POLI: variants seen among roughly 807,000 people sequenced by gnomAD.
The protein encoded by POLI is DNA polymerase iota, also known as RAD30 homolog B.
Under a neutral mutation model 51.6 loss-of-function variants are expected in POLI, and 58 were observed. The ratio of observed to expected loss-of-function variants is 1.12; its 90% CI spans 0.91 to 1.40. POLI has a LOEUF of 1.40. Ranked by LOEUF, POLI falls within the 40% of genes most tolerant of loss-of-function variation. The pLI, the probability that POLI is intolerant of heterozygous loss-of-function variation, is 0.00. For missense variants in POLI, 921 were observed against 871.3 expected, an observed-to-expected ratio of 1.06 and a Z score of -0.72; for synonymous variants, 322 against 299.7, an observed-to-expected ratio of 1.07 and a Z score of -0.77.
At chr18:54,300,796 A>G (rs145712598), downstream of POLI, among the ~76,000 whole-genome samples, 2 of 152,346 alleles carry the variant, frequency 1.3e-5, no homozygotes, top group Non-Finnish European at 2.9e-5. Context: ...TAATCAAAAG[A>G]AAGATGTAAT....
chr18:54,297,606 A>C lies in POLI; in HGVS notation c.*3139A>C. 1 of 979,020 alleles carries C rather than the reference A, an allele frequency of 1.0e-6. No homozygotes were observed. Among genetic ancestry groups the C allele is most frequent in the Non-Finnish European group, 1.2e-6 (1 of 825,046 alleles). The allele number at this position is 979,020 out of a possible 1,614,324, so 60.6% of individuals were successfully genotyped here. ...TATGTTGTGCTTCTTTCCCACCTTT[A>C]TCTCTCCTCCTATCTTTTGGGATCA... On this transcript the variant is annotated 3_prime_UTR_variant, in exon 10 of 10. Coordinates refer to ENST00000579534, the MANE Select transcript of POLI (RefSeq NM_007195.3).
intron 3 of POLI, among the ~76,000 whole-genome samples, chr18:54,277,384 C>T (rs892420055): frequency 9.9e-5 from 15 of 152,112 alleles, no homozygotes; most frequent in Non-Finnish European, 2.2e-4. Context: ...TTCAAGGTCA[C>T]CAATTTACTA....
chr18:54,309,914 T>C (rs1599280226), intron 3 of POLI, among the ~76,000 whole-genome samples: 1 of 152,348 alleles, frequency 6.6e-6, no homozygotes, highest in Non-Finnish European at 1.5e-5. Context: ...TATAATCTCC[T>C]GGTGCGCCGT....
At chr18:54,289,966 A>G (rs1050156332) in intron 8 of POLI, among the ~76,000 whole-genome samples, 1 of 152,248 alleles carries the variant, frequency 6.6e-6, no homozygotes, top group Non-Finnish European at 1.5e-5. Context: ...ACAAAAGCCA[A>G]AATTGACAGA....
chr18:54,312,917 TGA>T (rs1424946937), intron 3 of POLI, among the ~76,000 whole-genome samples: 6 of 152,222 alleles, frequency 3.9e-5, no homozygotes, highest in Non-Finnish European at 8.8e-5. Flanking sequence ...TTTACACCTT[TGA>T]TAGTTTCTCT....
At chr18:54,269,945 C>G (rs1028855927) in intron 1 of POLI, 4 of 1,179,444 alleles carry the variant, frequency 3.4e-6, no homozygotes, top group Non-Finnish European at 4.2e-6. Context: ...GGGCGGGAAT[C>G]CCTCAGCCAG....
chr18:54,293,489 TGTG>T (rs1390304623), intron 9 of POLI, among the ~76,000 whole-genome samples, 157 bp from the exon 10 acceptor site: 1 of 152,068 alleles, frequency 6.6e-6, no homozygotes, highest in African/African-American at 2.4e-5. Flanking sequence ...TGTGAATAAT[TGTG>T]GTAGTAGATC....
chr18:54,271,551 A>G, intron 2 of POLI, 66 bp downstream of exon 2: 3 of 1,093,950 alleles, frequency 2.7e-6, no homozygotes, highest in Non-Finnish European at 3.9e-6. Flanking sequence ...CATGCTCATT[A>G]TATACTGATT....
chr18:54,309,585 G>A (rs4525561), intron 3 of POLI, among the ~76,000 whole-genome samples: 27,639 of 152,118 alleles, frequency 0.18, 2,706 homozygotes, highest in Middle Eastern at 0.25. Flanking sequence ...CTCAAACACC[G>A]TGCTGGGAGA....
intron 4 of POLI, among the ~76,000 whole-genome samples, chr18:54,279,396 CTACACCCGGCTAATTTTTTTATTTT>C (rs2087397504): frequency 6.6e-6 from 1 of 152,040 alleles, no homozygotes; most frequent in Non-Finnish European, 1.5e-5. Context: ...GCATGTGCCA[CTACACCCGGCTAATTTTTTTATTTT>C]TAGTAGAGAC....
At position 54,270,625 on chromosome 18, in the gene POLI, C is replaced by A. The variant is rs1320537205; in HGVS notation, c.116-735C>A. ...AATATTCTACCAGTTTTTCTGCTAA[C>A]GTTCATTTTCTGTTCCAGGATCCCA... is the stretch of plus-strand genomic sequence containing the variant. On this transcript the variant is annotated intron_variant, in intron 1 of 9. Transcript: ENST00000579534. 2.0e-5 allele frequency: 3 copies of A among 151,780 alleles called. No individual in the cohort carries two copies. The East Asian group carries it at 5.8e-4, about 29-fold the overall frequency. 9.4% of individuals were successfully genotyped at this position (151,780 alleles called of 1,614,324 possible).
At chr18:54,290,442 C>T (rs2087952196) in intron 8 of POLI, among the ~76,000 whole-genome samples, 1 of 152,130 alleles carries the variant, frequency 6.6e-6, no homozygotes, top group African/African-American at 2.4e-5. Flanking sequence ...GGATCTAGAA[C>T]TAGAAATACC....
At chr18:54,284,055 T>TATACATAGGTATA in intron 7 of POLI, 42 bp downstream of exon 7, 1 of 727,936 alleles carries the variant, frequency 1.4e-6, no homozygotes, top group Non-Finnish European at 2.4e-6. Flanking sequence ...TATGTATTCA[T>TATACATAGGTATA]TCTATATACG....
At position 54,280,675 on chromosome 18, in the gene POLI, C is replaced by G. The variant is rs750688194; in HGVS notation, c.568C>G (p.Leu190Val). The G allele has an allele frequency of 1.0e-5, 16 of 1,607,036 alleles. No homozygotes were observed. In the East Asian group the frequency reaches 3.6e-4, roughly 36 times the overall value. Residue 190 changes from leucine (L) to valine (V), a missense_variant, in exon 5 of 10, where the codon CTG becomes GTG. Physicochemically the swap from Leu to Val is conservative, Grantham distance 32. Coordinates refer to ENST00000579534, the MANE Select transcript of POLI (RefSeq NM_007195.3). ...ATTTGTTGTTTTTAAAGCTATAAAC[C>G]TGCTTGACGTCTTGCACATCAGACT... The part of the protein sequence containing the change: ...GHVYNNQSIN[L>V]LDVLHIRLLV...
At chr18:54,273,689 G>C (rs1472682920) in intron 2 of POLI, among the ~76,000 whole-genome samples, 1 of 152,044 alleles carries the variant, frequency 6.6e-6, no homozygotes, top group Middle Eastern at 3.4e-3. Context: ...AGTGGGGTAT[G>C]GAAAAATAAT....
intron 8 of POLI, 181 bp from the exon 9 acceptor site, chr18:54,291,652 A>G (rs1267004794): frequency 1.2e-5 from 5 of 411,616 alleles, no homozygotes; most frequent in Non-Finnish European, 4.3e-6. Context: ...CAGAAATCCC[A>G]TATTTCAAAT....
intron 7 of POLI, 200 bp downstream of exon 7, chr18:54,284,213 A>G (rs958374142): frequency 5.0e-6 from 2 of 403,890 alleles, no homozygotes; most frequent in Non-Finnish European, 9.0e-6. Flanking sequence ...AATTGAATTC[A>G]TTGGTCTTAA....
downstream of POLI, among the ~76,000 whole-genome samples, chr18:54,301,572 T>A (rs1411456827): frequency 6.6e-6 from 1 of 152,200 alleles, no homozygotes; most frequent in Non-Finnish European, 1.5e-5. Flanking sequence ...TTCAGGTGCT[T>A]TCTTTCTCAG....
intron 7 of POLI, among the ~76,000 whole-genome samples, chr18:54,285,199 A>G (rs1419770092): frequency 1.3e-5 from 2 of 152,222 alleles, no homozygotes; most frequent in African/African-American, 2.4e-5. Flanking sequence ...GATATGACTC[A>G]GGCTGGGCCT....
Sources: gnomAD v4.1 joint callset for allele counts (sites outside exome capture counted in the v4.1 genomes callset) on GRCh38, gnomAD v4.1.1 for gene constraint, MANE v1.5 for transcripts, NCBI Gene and HGNC (gene_info 2026-07-23, HGNC 2026-07-21) for gene names.